Variants in ABCA3 observed in about 807,000 individuals in gnomAD.
The protein encoded by ABCA3 is phospholipid-transporting ATPase ABCA3.
Under a neutral mutation model 172.8 loss-of-function variants are expected in ABCA3, and 88 were observed. That is an observed-to-expected ratio of 0.51 (90% CI 0.43 to 0.61). The LOEUF (loss-of-function observed/expected upper bound fraction) is 0.61. Ranked by LOEUF, ABCA3 falls within the 20% of genes least tolerant of loss-of-function variation. The pLI, the probability that ABCA3 is intolerant of heterozygous loss-of-function variation, is 0.00. For synonymous variants in ABCA3, 1,066 were observed against 983.8 expected (o/e 1.08, Z -1.56); for missense variants, 2,164 against 2,301.0 (o/e 0.94, Z 1.22).
Position 2,317,677 on chromosome 16 carries a change from A to AGGC in ABCA3, c.958_960dup (p.Ala320dup). The AGGC allele has an allele frequency of 6.2e-7, 1 of 1,614,220 alleles. No individual in the cohort carries two copies. Among genetic ancestry groups the AGGC allele is most frequent in the Non-Finnish European group, 8.5e-7 (1 of 1,180,026 alleles). On this transcript the variant is annotated inframe_insertion, in exon 9 of 33. Transcript: ENST00000301732. ...ACACAGAAGAGCAGGGTCATGAAGG[A>AGGC]GGCGGCGATGAGGAGGAAGAGGAAG...
In ABCA3 at chr16:2,297,893, G is replaced by A. The variant is rs1035912037; in HGVS notation, c.1925C>T (p.Pro642Leu). The A allele has an allele frequency of 8.1e-6, 13 of 1,613,802 alleles. No homozygotes were observed. Among genetic ancestry groups the A allele is most frequent in the Admixed American group, 1.7e-5 (1 of 60,014 alleles). ...GTGCAGCATCTGCTTGACTTCTTCAGGGCACTTCTGACGTGACAGGCCCTT... is the reference window on the plus strand; with the variant it reads ...GTGCAGCATCTGCTTGACTTCTTCAAGGCACTTCTGACGTGACAGGCCCTT... ...QLKGLSRQKC[P>L]EEVKQMLHII... The change falls in exon 16 of 33, where the codon CCT becomes CTT. Residue 642 changes from proline to leucine, a missense_variant. Physicochemically the swap from Pro to Leu is moderately conservative, Grantham distance 98 (BLOSUM62 -3). Transcript: ENST00000301732. The surrounding 1 kb of genome is among the most constrained non-coding windows in gnomAD (Gnocchi z 5.6).
rs189399787 is a variant in ABCA3 at position 2,322,576 on chromosome 16, T to C, written c.613+947A>G. On this transcript the variant is annotated intron_variant, in intron 7 of 32. Transcript: ENST00000301732. ...CCCCAGTGTGTGATGTTCCCCTTCC[T>C]GTGCTGGGAAAACTGGCTAGCCATA... Among the ~76,000 whole-genome samples, 432 of 127,078 alleles carry C rather than the reference T, an allele frequency of 3.4e-3. 1 individual carries two copies. Among genetic ancestry groups the C allele is most frequent in the Non-Finnish European group, 4.7e-3 (295 of 63,416 alleles). The allele number at this position is 127,078 out of a possible 152,430, so 83.4% of individuals were successfully genotyped here.
rs2093685123 is a variant in ABCA3, at chr16:2,299,270, T to C, written c.1741+133A>G. On this transcript the variant is annotated intron_variant, in intron 14 of 32. Transcript: ENST00000301732. The stretch of plus-strand genomic sequence containing the variant: ...GCTTGTGCCCCTGGGCCTGCAGGGC[T>C]GAGGTGCATCTCCTGCCGCTGTGGT... The C allele has an allele frequency of 9.2e-6, 12 of 1,303,052 alleles. No homozygotes were observed. The South Asian group carries it at 1.5e-4, about 16-fold the overall frequency. 80.7% of individuals were successfully genotyped at this position (1,303,052 alleles called of 1,614,324 possible). A position where few individuals can be genotyped will look rare whatever the true frequency, so the allele number is the denominator to read the frequency against.
In ABCA3 at chr16:2,317,374, G is replaced by A. The variant is rs772095645; in HGVS notation, c.1020C>T (p.Arg340=). The change falls in exon 10 of 33, where the codon CGC becomes CGT. Residue 340 remains arginine, a synonymous_variant. Transcript: ENST00000301732. ...AGGCGAGCACCAGGGAGGGGTCGCT[G>A]CGGGACAGCACGGCTACATTTGGCT... ...KVKPNVAVLS[R]SDPSLVLAFL... The A allele has an allele frequency of 2.5e-6, 4 of 1,614,034 alleles. No individual in the cohort carries two copies. Among genetic ancestry groups the A allele is most frequent in the Middle Eastern group, 1.6e-4 (1 of 6,062 alleles).
At chr16:2,323,338 A>C in intron 7 of ABCA3, 185 bp downstream of exon 7, 1 of 738,338 alleles carries the variant, frequency 1.4e-6, no homozygotes, top group Non-Finnish European at 2.3e-6. Context: ...TCATGCTGCT[A>C]TAAGGACACA....
At chr16:2,313,919 G>C (rs987953375) in intron 10 of ABCA3, among the ~76,000 whole-genome samples, 3 of 151,422 alleles carry the variant, frequency 2.0e-5, no homozygotes, top group African/African-American at 7.3e-5. Context: ...ATTAACAGAC[G>C]TGAAAGACTG....
At chr16:2,319,526 C>T in intron 8 of ABCA3, 55 bp downstream of exon 8, 1 of 1,587,038 alleles carries the variant, frequency 6.3e-7, no homozygotes, top group South Asian at 1.1e-5. Context: ...TTGGACATGG[C>T]CTCCCCAGGA....
intron 8 of ABCA3, among the ~76,000 whole-genome samples, 190 bp from the exon 9 acceptor site, chr16:2,317,954 C>A (rs1271417361): frequency 6.6e-6 from 1 of 152,248 alleles, no homozygotes; most frequent in Non-Finnish European, 1.5e-5. Context: ...CCTCAGCCTC[C>A]CAAAGTGCTG....
At position 2,284,977 on chromosome 16, in the gene ABCA3, C is replaced by T. The variant is rs546091864; in HGVS notation, c.3505G>A (p.Val1169Met). 1.0e-4 allele frequency: 169 copies of T among 1,613,490 alleles called. 1 individual carries two copies. The South Asian group carries it at 1.6e-3, about 16-fold the overall frequency. ...LLLVVFKAFD[V>M]RAFTRDGHMA... ...TGGCCGTCCCGCGTGAAGGCACGCA[C>T]GTCGAAGGCCTTAAACACCACCTGC... The change falls in exon 24 of 33, where the codon GTG becomes ATG. Residue 1169 changes from valine to methionine, a missense_variant. Val to Met is a conservative substitution (Grantham distance 21). Around this residue, in one of 3 missense-constraint regions of ABCA3, gnomAD observed 795 missense variants for 881.9 expected, o/e 0.90. Coordinates refer to ENST00000301732, the MANE Select transcript of ABCA3 (RefSeq NM_001089.3). This position sits in a 1 kb window ranked among gnomAD's most constrained non-coding sequence, Gnocchi z 5.9.
intron 1 of ABCA3, among the ~76,000 whole-genome samples, chr16:2,338,751 CTTTTTTTT>C (rs34719364): frequency 8.2e-6 from 1 of 121,600 alleles, no homozygotes; most frequent in African/African-American, 3.5e-5. Flanking sequence ...TCCAATTCAT[CTTTTTTTT>C]TTTTTTTTTT....
chr16:2,332,721 C>T, intron 1 of ABCA3: 1 of 1,313,298 alleles, frequency 7.6e-7, no homozygotes. Context: ...GTCCAAAGAC[C>T]CGCACCGATT....
In ABCA3 at chr16:2,286,865, G is replaced by A. The variant is rs769945799; in HGVS notation, c.3107C>T (p.Thr1036Met). Residue 1036 changes from threonine (T) to methionine (M), a missense_variant, in exon 22 of 33, where the codon ACG (threonine) becomes ATG (methionine). This residue lies in a region of ABCA3 where 26 missense variants were observed against 49.5 expected (regional missense o/e 0.53). Transcript: ENST00000301732. The surrounding 1 kb of genome is among the most constrained non-coding windows in gnomAD (Gnocchi z 5.2). ...AASFRDVGERTVVNALFNNQA... is the reference protein window; with the variant it reads ...AASFRDVGERMVVNALFNNQA... The stretch of plus-strand genomic sequence containing the variant: ...GTTGTTGAACAAGGCGTTGACGACC[G>A]TGCGCTCTCCCACATCTCTGAAGGA... 7.4e-6 allele frequency: 12 copies of A among 1,613,926 alleles called. No individual in the cohort carries two copies. The highest frequency in any genetic ancestry group is 5.0e-5 in the Admixed American group (3 of 59,992).
chr16:2,333,689 C>CTTT (rs879623326), intron 1 of ABCA3, among the ~76,000 whole-genome samples: 1 of 138,906 alleles, frequency 7.2e-6, no homozygotes, highest in African/African-American at 2.7e-5. Context: ...AAATAACATT[C>CTTT]TTTTTTTTTT....
intron 10 of ABCA3, among the ~76,000 whole-genome samples, chr16:2,314,146 C>T (rs976557969): frequency 3.3e-5 from 5 of 152,124 alleles, no homozygotes; most frequent in African/African-American, 1.2e-4. Flanking sequence ...TCTGGGTGTA[C>T]GCCCAAAGAA....
chr16:2,319,481 A>T lies in ABCA3; in HGVS notation c.873+100T>A, dbSNP rs544363439. 1,745 of 1,295,188 alleles carry T rather than the reference A, an allele frequency of 1.3e-3. 21 individuals are homozygous for T. In the African/African-American group the frequency reaches 0.025, roughly 18 times the overall value. The allele number at this position is 1,295,188 out of a possible 1,614,324, so 80.2% of individuals were successfully genotyped here. On this transcript the variant is annotated intron_variant, in intron 8 of 32. Transcript: ENST00000301732. Reference sequence around the variant, plus strand: ...GCCTGGGCGACAGAGCGAGACTCCAACTCAAAAAAAAAAAAATACTAAAAC... The same window carrying T: ...GCCTGGGCGACAGAGCGAGACTCCATCTCAAAAAAAAAAAAATACTAAAAC...
rs1270068162 is a variant in ABCA3 at position 2,295,613 on chromosome 16, G to A, written c.2391C>T (p.Ile797=). The A allele has an allele frequency of 6.2e-7, 1 of 1,613,698 alleles. No homozygotes were observed. Among genetic ancestry groups the A allele is most frequent in the Non-Finnish European group, 8.5e-7 (1 of 1,180,062 alleles). Residue 797 remains isoleucine (I), a synonymous_variant, in exon 18 of 33, where the codon ATC becomes ATT. Coordinates refer to ENST00000301732, the MANE Select transcript of ABCA3 (RefSeq NM_001089.3). The stretch of plus-strand genomic sequence containing the variant: ...ACCTGTGCGTGCTCTCTCTGGGAAG[G>A]ATGAAAGACAGCTCGGCCCCAGCGC... The part of the protein sequence containing the change: ...ESSAGAELSF[I]LPRESTHRFE...
rs761916699 is a variant in ABCA3 at position 2,295,629 on chromosome 16, G to A, written c.2375C>T (p.Ala792Val). Residue 792 changes from alanine to valine, a missense_variant, in exon 18 of 33, where the codon GCC (alanine) becomes GTC (valine). By Grantham distance (64) the Ala-to-Val change is moderately conservative. This residue lies in a region of ABCA3 where 1,343 missense variants were observed against 1,369.6 expected (regional missense o/e 0.98). Transcript: ENST00000301732. ...TCTGGGAAGGATGAAAGACAGCTCG[G>A]CCCCAGCGCTGCTCTCCAGCGTGGC... ...PNATLESSAG[A>V]ELSFILPRES... is the part of the protein sequence containing the mutation. 10 of 1,613,834 alleles carry A rather than the reference G, an allele frequency of 6.2e-6. No homozygotes were observed. The highest frequency in any genetic ancestry group is 1.6e-4 in the Middle Eastern group (1 of 6,084).
rs905354493 is a variant in ABCA3 at position 2,284,830 on chromosome 16, T to A, written c.3652A>T (p.Ile1218Phe). The A allele has an allele frequency of 1.2e-6, 2 of 1,613,470 alleles. No individual in the cohort carries two copies. Among genetic ancestry groups the A allele is most frequent in the South Asian group, 2.2e-5 (2 of 91,058 alleles). Residue 1218 changes from isoleucine (I) to phenylalanine (F), a missense_variant, in exon 24 of 33, where the codon ATC becomes TTC. This residue lies in a region of ABCA3 where 795 missense variants were observed against 881.9 expected (regional missense o/e 0.90). Coordinates refer to ENST00000301732, the MANE Select transcript of ABCA3 (RefSeq NM_001089.3). The surrounding 1 kb of genome is among the most constrained non-coding windows in gnomAD (Gnocchi z 5.9). ...TAYTRLTIFN[I>F]LSGIATFLMV... is the part of the protein sequence containing the mutation. ...AGGAAGGTGGCGATGCCTGACAGGA[T>A]GTTGAAGATGGTCAGCCTCGTGTAG...
intron 1 of ABCA3, among the ~76,000 whole-genome samples, chr16:2,334,850 C>T (rs1211235219): frequency 2.8e-5 from 4 of 142,190 alleles, no homozygotes; most frequent in Admixed American, 7.3e-5. Flanking sequence ...TTTTTTGAGA[C>T]GGAGTTTCAC....
Sources: allele counts gnomAD v4.1 joint callset (sites outside exome capture counted in the v4.1 genomes callset), GRCh38; gene constraint gnomAD v4.1.1; regional missense constraint gnomAD v4.1.1; non-coding constraint Gnocchi (gnomAD v3.1); transcripts MANE v1.5; gene names NCBI Gene and HGNC (gene_info 2026-07-23, HGNC 2026-07-21).